DNER: variants seen among roughly 807,000 people sequenced by gnomAD.
The protein encoded by DNER is delta and Notch-like epidermal growth factor-related receptor.
In DNER, 33 loss-of-function variants were observed where a neutral mutation model predicts 78.2. The ratio of observed to expected loss-of-function variants is 0.42; its 90% CI spans 0.32 to 0.56. The LOEUF (loss-of-function observed/expected upper bound fraction) is 0.56. Ranked by LOEUF, DNER falls within the 20% of genes least tolerant of loss-of-function variation. The pLI is 0.11. For synonymous variants in DNER, 417 were observed against 384.8 expected (o/e 1.08, Z -0.98); for missense variants, 918 against 975.3 (o/e 0.94, Z 0.78).
At chr2:229,584,713 G>A (rs1467660454) in intron 4 of DNER, among the ~76,000 whole-genome samples, 1 of 151,916 alleles carries the variant, frequency 6.6e-6, no homozygotes, top group Non-Finnish European at 1.5e-5. Flanking sequence ...GGTGGATCAC[G>A]AGGTCAGGAG....
intron 10 of DNER, among the ~76,000 whole-genome samples, chr2:229,403,292 T>C (rs1050136437): frequency 2.7e-4 from 41 of 152,080 alleles, no homozygotes; most frequent in Non-Finnish European, 1.9e-4. Flanking sequence ...TTTATCAGCC[T>C]CTCCTGTGGA....
At chr2:229,384,800 A>G (rs2106334001) in intron 11 of DNER, among the ~76,000 whole-genome samples, 1 of 152,300 alleles carries the variant, frequency 6.6e-6, no homozygotes, top group Non-Finnish European at 1.5e-5. Flanking sequence ...GCCCAGGACC[A>G]GATGGATTCA....
At chr2:229,469,613 C>T (rs1243300522) in intron 7 of DNER, among the ~76,000 whole-genome samples, 1 of 152,184 alleles carries the variant, frequency 6.6e-6, no homozygotes, top group African/African-American at 2.4e-5. Context: ...CTACTTGAGC[C>T]TCAGCTGTTA....
chr2:229,633,648 C>T (rs542603475), intron 1 of DNER, among the ~76,000 whole-genome samples: 1 of 152,318 alleles, frequency 6.6e-6, no homozygotes. Flanking sequence ...CAGGCTGGAA[C>T]AGAAAGCATA....
intron 1 of DNER, among the ~76,000 whole-genome samples, chr2:229,624,035 TCCAGCTCCCCAGCCACC>T (rs1409534174): frequency 1.3e-5 from 2 of 152,160 alleles, no homozygotes; most frequent in Non-Finnish European, 2.9e-5. Flanking sequence ...AGTCTTAAAA[TCCAGCTCCCCAGCCACC>T]CCAGCTGCTT....
chr2:229,402,122 C>T (rs1693280884), intron 10 of DNER, among the ~76,000 whole-genome samples: 1 of 146,276 alleles, frequency 6.8e-6, no homozygotes, highest in Non-Finnish European at 1.5e-5. Flanking sequence ...CTTACAATAC[C>T]AGAAAAGCAC....
At chr2:229,451,544 G>A (rs147950223) in intron 7 of DNER, among the ~76,000 whole-genome samples, 11 of 152,306 alleles carry the variant, frequency 7.2e-5, no homozygotes, top group African/African-American at 2.6e-4. Flanking sequence ...AACCCTTTAG[G>A]TGAACTATTT....
At chr2:229,470,269 C>G (rs2154211120) in intron 7 of DNER, among the ~76,000 whole-genome samples, 1 of 152,186 alleles carries the variant, frequency 6.6e-6, no homozygotes, top group Non-Finnish European at 1.5e-5. Flanking sequence ...AGTATTCATT[C>G]ATTCATTCAT....
In DNER at chr2:229,706,745, G is replaced by T. The variant is rs116406218; in HGVS notation, c.276+7403C>A. On this transcript the variant is annotated intron_variant, in intron 1 of 12. Coordinates refer to ENST00000341772, the MANE Select transcript of DNER (RefSeq NM_139072.4). ...TTCATATAACTTTCATGCAATGTGAGTTTTTTTTAATGTAGAGGCAAGGTT... is the reference window on the plus strand; with the variant it reads ...TTCATATAACTTTCATGCAATGTGATTTTTTTTTAATGTAGAGGCAAGGTT... Among the ~76,000 whole-genome samples the T allele has an allele frequency of 9.3e-3, 1,420 of 152,056 alleles. 21 individuals are homozygous for T. Among genetic ancestry groups the T allele is most frequent in the African/African-American group, 0.032 (1,309 of 41,484 alleles).
intron 5 of DNER, among the ~76,000 whole-genome samples, chr2:229,516,570 A>G (rs549641300): frequency 3.9e-5 from 6 of 152,276 alleles, no homozygotes; most frequent in East Asian, 1.9e-4. Flanking sequence ...TAAAAACCCA[A>G]TAAAGAATCT....
chr2:229,515,639 A>AT (rs1162899815), intron 5 of DNER, among the ~76,000 whole-genome samples: 1,738 of 71,560 alleles, frequency 0.024, 91 homozygotes, highest in African/African-American at 0.065. Context: ...AGTTAGCTTT[A>AT]TTTTTTTATT....
intron 11 of DNER, among the ~76,000 whole-genome samples, chr2:229,385,309 T>C (rs1692839656): frequency 6.6e-6 from 1 of 152,096 alleles, no homozygotes. Context: ...AAACTAGGTA[T>C]TGACAGAACG....
At chr2:229,569,408 G>A (rs1456567882) in intron 4 of DNER, among the ~76,000 whole-genome samples, 3 of 152,292 alleles carry the variant, frequency 2.0e-5, no homozygotes, top group African/African-American at 7.2e-5. Flanking sequence ...TGTAGTCCCA[G>A]CTACTCAGGA....
intron 8 of DNER, among the ~76,000 whole-genome samples, chr2:229,439,737 G>A (rs1369284043): frequency 6.6e-6 from 1 of 152,220 alleles, no homozygotes; most frequent in Non-Finnish European, 1.5e-5. Flanking sequence ...CCATAAGCTT[G>A]ATGAGAATGT....
At chr2:229,419,097 T>C (rs1350949553) in intron 8 of DNER, among the ~76,000 whole-genome samples, 1 of 152,156 alleles carries the variant, frequency 6.6e-6, no homozygotes, top group Non-Finnish European at 1.5e-5. Context: ...ATATAAATTA[T>C]AATATTTTAA....
chr2:229,469,011 C>T (rs1559359868), intron 7 of DNER, among the ~76,000 whole-genome samples: 1 of 152,182 alleles, frequency 6.6e-6, no homozygotes, highest in Non-Finnish European at 1.5e-5. Flanking sequence ...GAGATTTGCA[C>T]ATTTACTTCA....
At chr2:229,561,820 A>C (rs1169779280) in intron 4 of DNER, among the ~76,000 whole-genome samples, 1 of 152,188 alleles carries the variant, frequency 6.6e-6, no homozygotes, top group Non-Finnish European at 1.5e-5. Context: ...TCATGCCTAT[A>C]ATAATGGGAT....
chr2:229,646,965 G>A (rs957247471), intron 1 of DNER, among the ~76,000 whole-genome samples: 7 of 152,164 alleles, frequency 4.6e-5, no homozygotes, highest in Non-Finnish European at 8.8e-5. Context: ...TCAAGAGATC[G>A]CGACCATCCT....
rs986501770 is a variant in DNER, at chr2:229,649,992, G to A, written c.277-58104C>T. On this transcript the variant is annotated intron_variant, in intron 1 of 12. Coordinates refer to ENST00000341772, the MANE Select transcript of DNER (RefSeq NM_139072.4). ...CAGGAGGCTGAGGCAGGAGAATGGC[G>A]TGAACCCAGGAGGCAGAGCTTGCAG... Among the ~76,000 whole-genome samples the A allele has an allele frequency of 8.0e-5, 12 of 150,550 alleles. No homozygotes were observed. In the South Asian group the frequency reaches 1.0e-3, roughly 13 times the overall value.
Sources: allele counts gnomAD v4.1 joint callset (sites outside exome capture counted in the v4.1 genomes callset), GRCh38; gene constraint gnomAD v4.1.1; transcripts MANE v1.5; gene names NCBI Gene and HGNC (gene_info 2026-07-23, HGNC 2026-07-21).